Variants in PIKFYVE observed in about 807,000 individuals in gnomAD.
The protein encoded by PIKFYVE is phosphoinositide kinase, FYVE-type zinc finger containing.
In PIKFYVE, 122 loss-of-function variants were observed where a neutral mutation model predicts 257.9. The observed-to-expected ratio is 0.47, with a 90% confidence interval of 0.41 to 0.55. PIKFYVE has a LOEUF of 0.55. Ranked by LOEUF, PIKFYVE falls within the 20% of genes least tolerant of loss-of-function variation. The probability of loss-of-function intolerance (pLI) is 0.00; values close to 1 mark genes in which losing one functional copy is unlikely to be tolerated. For synonymous variants in PIKFYVE, 892 were observed against 868.9 expected, an observed-to-expected ratio of 1.03 and a Z score of -0.47; for missense variants, 2,160 against 2,536.6, an observed-to-expected ratio of 0.85 and a Z score of 3.19.
Position 208,304,454 on chromosome 2 carries a change from T to A in PIKFYVE, c.1468+136T>A, listed in dbSNP as rs1374567383. 3.3e-6 allele frequency: 4 copies of A among 1,201,314 alleles called. No individual in the cohort carries two copies. The Admixed American group carries it at 7.7e-5, about 23-fold the overall frequency. The allele number at this position is 1,201,314 out of a possible 1,614,324, so 74.4% of individuals were successfully genotyped here. On this transcript the variant is annotated intron_variant, in intron 11 of 41. Coordinates refer to ENST00000264380, the MANE Select transcript of PIKFYVE (RefSeq NM_015040.4). ...ACTAAATGGAAACATCTGATAGCAGTCTTTGTCTTAGATACAGTATTTTCT... is the reference window on the plus strand; with the variant it reads ...ACTAAATGGAAACATCTGATAGCAGACTTTGTCTTAGATACAGTATTTTCT...
chr2:208,338,397 A>C (rs1411135641), intron 28 of PIKFYVE, 111 bp from the exon 29 acceptor site: 2 of 761,752 alleles, frequency 2.6e-6, no homozygotes, highest in Non-Finnish European at 4.3e-6. Context: ...TAATTTTTTA[A>C]CGGTATAAAT....
intron 3 of PIKFYVE, 34 bp downstream of exon 3, chr2:208,273,767 A>G (rs780322030): frequency 1.9e-6 from 3 of 1,611,740 alleles, no homozygotes; most frequent in African/African-American, 2.7e-5. Context: ...TCCCTTCTAT[A>G]TGCTAGATTT....
intron 12 of PIKFYVE, among the ~76,000 whole-genome samples, chr2:208,306,675 G>T (rs1694351638): frequency 6.6e-6 from 1 of 152,092 alleles, no homozygotes. Flanking sequence ...AAATGACATT[G>T]TTATGGTGCA....
chr2:208,324,860 A>G, intron 18 of PIKFYVE, 51 bp from the exon 19 acceptor site: 1 of 1,592,088 alleles, frequency 6.3e-7, no homozygotes, highest in Non-Finnish European at 8.6e-7. Context: ...AAATTTACAA[A>G]GATTTTTATT....
rs1287120264 is a variant in PIKFYVE at position 208,281,663 on chromosome 2, C to G, written c.613+3955C>G. 2.6e-5 allele frequency among the ~76,000 whole-genome samples: 4 copies of G among 152,130 alleles called. No individual in the cohort carries two copies. The East Asian group carries it at 7.7e-4, about 29-fold the overall frequency. On this transcript the variant is annotated intron_variant, in intron 5 of 41. Transcript: ENST00000264380. ...GCTAACTCAGGGGAGGTCATTACAG[C>G]CTGTCTGATCAAAGCCAGGTTAATC...
At chr2:208,355,009 G>A (rs1419604928) in intron 41 of PIKFYVE, among the ~76,000 whole-genome samples, 181 bp from the exon 42 acceptor site, 5 of 152,162 alleles carry the variant, frequency 3.3e-5, no homozygotes, top group African/African-American at 7.2e-5. Context: ...ACAGAAACTC[G>A]TACCAGGTAG....
chr2:208,278,459 G>T (rs944654155), intron 5 of PIKFYVE, among the ~76,000 whole-genome samples: 2 of 151,810 alleles, frequency 1.3e-5, no homozygotes, highest in Non-Finnish European at 2.9e-5. Context: ...TGTTACAGGG[G>T]TATATTTAGT....
intron 5 of PIKFYVE, 31 bp downstream of exon 5, chr2:208,277,739 T>G: frequency 6.2e-7 from 1 of 1,607,646 alleles, no homozygotes; most frequent in South Asian, 1.1e-5. Flanking sequence ...GTTTACAATT[T>G]TTAAAGGTCA....
chr2:208,273,555 A>T, intron 2 of PIKFYVE, 29 bp from the exon 3 acceptor site: 1 of 1,613,944 alleles, frequency 6.2e-7, no homozygotes, highest in Non-Finnish European at 8.5e-7. Flanking sequence ...CTCAGTCTTT[A>T]AATAATGCCA....
intron 10 of PIKFYVE, 142 bp from the exon 11 acceptor site, chr2:208,304,029 G>GT: frequency 1.8e-6 from 2 of 1,105,094 alleles, no homozygotes; most frequent in Non-Finnish European, 2.6e-6. Flanking sequence ...TTATAACTTG[G>GT]TTTTTGTTAA....
chr2:208,353,203 A>G (rs1559181431), intron 39 of PIKFYVE, among the ~76,000 whole-genome samples: 1 of 152,198 alleles, frequency 6.6e-6, no homozygotes, highest in Non-Finnish European at 1.5e-5. Flanking sequence ...AAGATAAGGA[A>G]CGTGTGCTAG....
intron 12 of PIKFYVE, among the ~76,000 whole-genome samples, chr2:208,305,925 C>T (rs1223295000): frequency 6.6e-6 from 1 of 152,142 alleles, no homozygotes; most frequent in Admixed American, 6.6e-5. Context: ...ATATAACTGT[C>T]TAAAGTGGAA....
Position 208,356,656 on chromosome 2 carries a change from A to C in PIKFYVE, c.*1351A>C, listed in dbSNP as rs1574788631. On this transcript the variant is annotated 3_prime_UTR_variant, in exon 42 of 42. Transcript: ENST00000264380. Reference sequence around the variant, plus strand: ...GCAACAGAGCAAGACTGTCTCAAAAAACAAAACGAAACAAAAAAAGAAAGT... The same window carrying C: ...GCAACAGAGCAAGACTGTCTCAAAACACAAAACGAAACAAAAAAAGAAAGT... The C allele has an allele frequency of 6.5e-6, 1 of 152,776 alleles. No homozygotes were observed. The highest frequency in any genetic ancestry group is 1.9e-4 in the East Asian group (1 of 5,194). 9.5% of individuals were successfully genotyped at this position (152,776 alleles called of 1,614,324 possible).
intron 7 of PIKFYVE, among the ~76,000 whole-genome samples, chr2:208,291,279 T>C (rs544163167): frequency 6.6e-6 from 1 of 152,290 alleles, no homozygotes; most frequent in East Asian, 1.9e-4. Flanking sequence ...CTTCTGTAAC[T>C]TGATGTGATG....
Position 208,350,863 on chromosome 2 carries a change from G to A in PIKFYVE, c.5527G>A (p.Glu1843Lys), listed in dbSNP as rs1699712186. ...MREVILDSSE[E>K]DFIRSLSHSS... Reference sequence around the variant, plus strand: ...TGAAGTGATTCTGGACAGCAGTGAAGAAGATTTCATTCGTTCCCTCTCCCA... The same window carrying A: ...TGAAGTGATTCTGGACAGCAGTGAAAAAGATTTCATTCGTTCCCTCTCCCA... Residue 1843 changes from glutamate to lysine, a missense_variant, in exon 37 of 42, where the codon GAA becomes AAA. By Grantham distance (56) the Glu-to-Lys change is moderately conservative. Coordinates refer to ENST00000264380, the MANE Select transcript of PIKFYVE (RefSeq NM_015040.4). 1.9e-6 allele frequency: 3 copies of A among 1,614,050 alleles called. No individual in the cohort carries two copies. In the African/African-American group the frequency reaches 4.0e-5, roughly 22 times the overall value.
Position 208,278,654 on chromosome 2 carries a change from C to A in PIKFYVE, c.613+946C>A, listed in dbSNP as rs551683077. On this transcript the variant is annotated intron_variant, in intron 5 of 41. Coordinates refer to ENST00000264380, the MANE Select transcript of PIKFYVE (RefSeq NM_015040.4). Reference sequence around the variant, plus strand: ...GCTCCCACTTGTAAGTGAGAGCTTGCGGCATTTGGTTTTCTGTTCTGTGTT... The same window carrying A: ...GCTCCCACTTGTAAGTGAGAGCTTGAGGCATTTGGTTTTCTGTTCTGTGTT... Among the ~76,000 whole-genome samples the A allele has an allele frequency of 5.3e-5, 8 of 152,130 alleles. 3 individuals are homozygous for A. The highest frequency in any genetic ancestry group is 1.7e-4 in the African/African-American group (7 of 41,526).
rs1453022702 is a variant in PIKFYVE at position 208,335,373 on chromosome 2, C to A, written c.4210C>A (p.Pro1404Thr). ...CAAAATATTCATTAAGCGTCAGGCC[C>A]CATTAAAAGTGTCCCTTCTTCAGGA... ...LPKIFIKRQA[P>T]LKVSLLQDLK... Residue 1404 changes from proline (P) to threonine (T), a missense_variant, in exon 25 of 42, where the codon CCA becomes ACA. Coordinates refer to ENST00000264380, the MANE Select transcript of PIKFYVE (RefSeq NM_015040.4). 6.2e-7 allele frequency: 1 copy of A among 1,612,536 alleles called. No individual in the cohort carries two copies. The highest frequency in any genetic ancestry group is 8.5e-7 in the Non-Finnish European group (1 of 1,178,846).
At chr2:208,323,978 T>G (rs1696616786) in intron 17 of PIKFYVE, among the ~76,000 whole-genome samples, 164 bp from the exon 18 acceptor site, 1 of 152,192 alleles carries the variant, frequency 6.6e-6, no homozygotes, top group Non-Finnish European at 1.5e-5. Context: ...TCTTGTAAAT[T>G]TGTTTGAGTT....
At chr2:208,292,845 C>T (rs1337171288) in intron 7 of PIKFYVE, among the ~76,000 whole-genome samples, 1 of 151,768 alleles carries the variant, frequency 6.6e-6, no homozygotes, top group Admixed American at 6.6e-5. Flanking sequence ...ATTTTTGGGT[C>T]TTGGTTTTGA....
Sources: allele counts gnomAD v4.1 joint callset (sites outside exome capture counted in the v4.1 genomes callset), GRCh38; gene constraint gnomAD v4.1.1; transcripts MANE v1.5; gene names NCBI Gene and HGNC (gene_info 2026-07-23, HGNC 2026-07-21).